The following MYRIP variants were observed in gnomAD, a reference collection of about 807,000 sequenced individuals.
MYRIP encodes rab effector MyRIP.
In MYRIP, 49 loss-of-function variants were observed where a neutral mutation model predicts 98.0. The observed-to-expected ratio is 0.50, with a 90% CI of 0.40 to 0.63. MYRIP has a LOEUF of 0.63. Among genes scored for constraint, MYRIP ranks in the 30% least tolerant of loss-of-function variants. The pLI is 0.00. For missense variants in MYRIP, 1,004 were observed against 1,058.2 expected (o/e 0.95, Z 0.71); for synonymous variants, 404 against 409.5 (o/e 0.99, Z 0.16).
Position 39,966,506 on chromosome 3 carries a change from AC to A in MYRIP, c.110+65583del, listed in dbSNP as rs1024686469. Among the ~76,000 whole-genome samples the A allele has an allele frequency of 4.0e-4, 61 of 152,330 alleles. 1 individual carries two copies. The highest frequency in any genetic ancestry group is 1.3e-3 in the African/African-American group (54 of 41,580). On this transcript the variant is annotated intron_variant, in intron 2 of 16. Coordinates refer to ENST00000302541, the MANE Select transcript of MYRIP (RefSeq NM_015460.4). ...TTAGTGTTCCAGCAGGAAATAGTAC[AC>A]CCAAATTAGGATAAGGTGTGGAGGG...
intron 8 of MYRIP, chr3:40,173,173 G>A (rs555090202): frequency 3.3e-5 from 5 of 151,932 alleles, no homozygotes; most frequent in Admixed American, 1.3e-4. Flanking sequence ...TATATGCAAC[G>A]GGCTTTCACA....
rs964509292 is a variant in MYRIP, at chr3:40,201,080, G to T, written c.1666-8774G>T. On this transcript the variant is annotated intron_variant, in intron 10 of 16. Transcript: ENST00000302541. Reference sequence around the variant, plus strand: ...TCCATTATTGGAACGCTAAGCATGTGGGAGTTATTTATCTGACTGCTCAAG... The same window carrying T: ...TCCATTATTGGAACGCTAAGCATGTTGGAGTTATTTATCTGACTGCTCAAG... Among the ~76,000 whole-genome samples the T allele has an allele frequency of 1.3e-5, 2 of 152,192 alleles. 1 individual carries two copies.
intron 3 of MYRIP, among the ~76,000 whole-genome samples, chr3:40,059,621 C>T (rs1947964228): frequency 6.6e-6 from 1 of 152,098 alleles, no homozygotes; most frequent in African/African-American, 2.4e-5. Context: ...TTCAAAGACA[C>T]TTTGTCTTTG....
At chr3:40,025,467 A>G (rs1256335475) in intron 2 of MYRIP, among the ~76,000 whole-genome samples, 1 of 152,066 alleles carries the variant, frequency 6.6e-6, no homozygotes, top group Non-Finnish European at 1.5e-5. Flanking sequence ...ATACTTTTAA[A>G]TTATCATGAA....
chr3:40,229,689 G>A (rs1462068919), intron 11 of MYRIP, among the ~76,000 whole-genome samples: 1 of 152,130 alleles, frequency 6.6e-6, no homozygotes, highest in Non-Finnish European at 1.5e-5. Flanking sequence ...CTCATCTTCT[G>A]TGCCCCAAGT....
intron 1 of MYRIP, among the ~76,000 whole-genome samples, chr3:39,816,379 C>T (rs900888053): frequency 6.6e-6 from 1 of 152,148 alleles, no homozygotes; most frequent in Admixed American, 6.5e-5. Context: ...ACCGCACCAG[C>T]CTGAATTTGC....
rs546213155 is a variant in MYRIP, at chr3:39,853,115, C to CAT, written c.-31+43201_-31+43202dup. ...TCTTTTTTATGGTTGAGAAGTATTT[C>CAT]ATAGCATATGTATACTACATTTTCT... is the stretch of plus-strand genomic sequence containing the variant. On this transcript the variant is annotated intron_variant, in intron 1 of 16. Transcript: ENST00000302541. Among the ~76,000 whole-genome samples, 13 of 152,262 alleles carry CAT rather than the reference C, an allele frequency of 8.5e-5. No individual in the cohort carries two copies. In the South Asian group the frequency reaches 2.7e-3, roughly 32 times the overall value.
chr3:40,062,873 G>A (rs1199359586), intron 3 of MYRIP, among the ~76,000 whole-genome samples: 3 of 152,118 alleles, frequency 2.0e-5, no homozygotes, highest in Non-Finnish European at 4.4e-5. Flanking sequence ...CTCTTGAGAT[G>A]TCTTTATACA....
At chr3:39,919,725 T>TGAGAGAGAGA (rs1338639798) in intron 2 of MYRIP, among the ~76,000 whole-genome samples, 55 of 143,940 alleles carry the variant, frequency 3.8e-4, no homozygotes, top group African/African-American at 7.5e-4. Context: ...TGTGTGTGTG[T>TGAGAGAGAGA]GTGAGAGAGA....
At chr3:39,907,353 A>T (rs969340894) in intron 2 of MYRIP, among the ~76,000 whole-genome samples, 4 of 152,218 alleles carry the variant, frequency 2.6e-5, no homozygotes, top group Non-Finnish European at 4.4e-5. Flanking sequence ...TTATGTGCTC[A>T]TGCATATTCC....
intron 11 of MYRIP, among the ~76,000 whole-genome samples, chr3:40,215,360 TTTTA>T (rs1170139907): frequency 2.6e-5 from 4 of 152,158 alleles, no homozygotes; most frequent in Non-Finnish European, 5.9e-5. Flanking sequence ...AAAAATTGAA[TTTTA>T]TTTATCATTT....
chr3:40,158,257 A>C (rs1440758558), intron 4 of MYRIP, among the ~76,000 whole-genome samples: 1 of 152,084 alleles, frequency 6.6e-6, no homozygotes, highest in Non-Finnish European at 1.5e-5. Context: ...TTATGTACCC[A>C]GTAGTCATTC....
chr3:40,011,359 C>T (rs1946756408), intron 2 of MYRIP, among the ~76,000 whole-genome samples: 1 of 152,120 alleles, frequency 6.6e-6, no homozygotes, highest in African/African-American at 2.4e-5. Context: ...AAGGGTACTT[C>T]CCTTCCCTCT....
At chr3:40,109,346 A>T (rs1949113625) in intron 3 of MYRIP, among the ~76,000 whole-genome samples, 1 of 152,210 alleles carries the variant, frequency 6.6e-6, no homozygotes, top group Admixed American at 6.5e-5. Flanking sequence ...TTTTTAACTG[A>T]TGAGAGAGAC....
At chr3:40,036,009 A>G (rs1229410387) in intron 2 of MYRIP, among the ~76,000 whole-genome samples, 2 of 152,106 alleles carry the variant, frequency 1.3e-5, no homozygotes, top group East Asian at 1.9e-4. Flanking sequence ...ATTAGGAGAC[A>G]TGGAAGAACA....
intron 3 of MYRIP, among the ~76,000 whole-genome samples, chr3:40,095,406 T>C (rs1948806986): frequency 6.6e-6 from 1 of 152,074 alleles, no homozygotes; most frequent in Non-Finnish European, 1.5e-5. Flanking sequence ...GACTGGCACA[T>C]CCAGCTTAGT....
chr3:39,846,163 G>A (rs910546547), intron 1 of MYRIP, among the ~76,000 whole-genome samples: 1 of 150,524 alleles, frequency 6.6e-6, no homozygotes. Flanking sequence ...TAACAAAGGT[G>A]GTCCCCTGAA....
rs139242660 is a variant in MYRIP at position 39,948,508 on chromosome 3, TTAAAG to T, written c.110+47586_110+47590del. ...AGCAAATTTAAAAACAAAGAACTCA[TTAAAG>T]TAAGTAATAATTTAAATAAAACTTA... is the stretch of plus-strand genomic sequence containing the variant. On this transcript the variant is annotated intron_variant, in intron 2 of 16. Transcript: ENST00000302541. Among the ~76,000 whole-genome samples, 519 of 152,144 alleles carry T rather than the reference TTAAAG, an allele frequency of 3.4e-3. 2 individuals are homozygous for T. The highest frequency in any genetic ancestry group is 0.011 in the African/African-American group (460 of 41,522).
At chr3:39,858,587 A>G (rs1942372835) in intron 1 of MYRIP, among the ~76,000 whole-genome samples, 1 of 138,014 alleles carries the variant, frequency 7.2e-6, no homozygotes, top group South Asian at 2.1e-4. Context: ...AGCAAAATAG[A>G]CATTCTTTCC....
Sources: allele counts gnomAD v4.1 joint callset (sites outside exome capture counted in the v4.1 genomes callset), GRCh38; gene constraint gnomAD v4.1.1; transcripts MANE v1.5; gene names NCBI Gene and HGNC (gene_info 2026-07-23, HGNC 2026-07-21).